Variants in TF observed in about 807,000 individuals in gnomAD.
The protein encoded by TF is serotransferrin.
A neutral mutation model predicts 82.4 loss-of-function variants in TF; 55 were observed. That is an observed-to-expected ratio of 0.67 (90% CI 0.54 to 0.84). TF has a LOEUF of 0.84. Ranked by LOEUF, TF falls within the 40% of genes least tolerant of loss-of-function variation. TF has a pLI of 0.00. For missense variants in TF, 737 were observed against 868.4 expected, an observed-to-expected ratio of 0.85 and a Z score of 1.90; for synonymous variants, 332 against 332.6, an observed-to-expected ratio of 1.00 and a Z score of 0.02.
At chr3:133,710,458 G>A in the TF span, among the ~76,000 whole-genome samples, 3 of 152,062 alleles carry the variant, frequency 2.0e-5, no homozygotes, top group African/African-American at 7.2e-5. Flanking sequence ...CACATTTCCC[G>A]GTGATTCTCC....
chr3:133,759,623 G>A (rs1933934842), intron 9 of TF, among the ~76,000 whole-genome samples: 3 of 152,188 alleles, frequency 2.0e-5, no homozygotes, highest in South Asian at 2.1e-4. Flanking sequence ...GACCAGTGGT[G>A]TGCCACGATC....
rs984536739 is a variant in TF, at chr3:133,789,880, T to A, written c.*11260T>A. ...CCAAAACAAAACGATCTCGTTTGCG[T>A]TTTTTTTTTTTTTTTTTTTTTTTTT... On this transcript the variant is annotated 3_prime_UTR_variant, in exon 17 of 17. Transcript: ENST00000402696. The A allele has an allele frequency of 0.017, 149 of 8,784 alleles. No individual in the cohort carries two copies. Among genetic ancestry groups the A allele is most frequent in the East Asian group, 0.048 (10 of 208 alleles). 0.5% of individuals were successfully genotyped at this position (8,784 alleles called of 1,614,324 possible).
chr3:133,715,310 T>C, the TF span, among the ~76,000 whole-genome samples: 1 of 152,164 alleles, frequency 6.6e-6, no homozygotes, highest in Admixed American at 6.5e-5. Context: ...AAAGATAAAT[T>C]CTACAACACC....
the TF span, among the ~76,000 whole-genome samples, chr3:133,730,059 T>C: frequency 1.3e-5 from 2 of 152,236 alleles, no homozygotes; most frequent in Non-Finnish European, 2.9e-5. Flanking sequence ...CCTACATTGA[T>C]ATCAGCACAT....
the TF span, among the ~76,000 whole-genome samples, chr3:133,707,898 A>G: frequency 6.6e-6 from 1 of 152,242 alleles, no homozygotes; most frequent in Non-Finnish European, 1.5e-5. Flanking sequence ...ATTCAGCATT[A>G]TATTGGAAGT....
rs546956111 is a variant in TF, at chr3:133,788,334, T to C, written c.*9714T>C. On this transcript the variant is annotated 3_prime_UTR_variant, in exon 17 of 17. Coordinates refer to ENST00000402696, the MANE Select transcript of TF (RefSeq NM_001063.4). Reference sequence around the variant, plus strand: ...TCATCCTCTTCATTTACATAAGGCATATACCAAGTAACCAATGGAAACCTT... The same window carrying C: ...TCATCCTCTTCATTTACATAAGGCACATACCAAGTAACCAATGGAAACCTT... The C allele has an allele frequency of 2.0e-5, 3 of 152,346 alleles. No individual in the cohort carries two copies. Among genetic ancestry groups the C allele is most frequent in the African/African-American group, 7.2e-5 (3 of 41,586 alleles). 9.4% of individuals were successfully genotyped at this position (152,346 alleles called of 1,614,324 possible). A position where few individuals can be genotyped will look rare whatever the true frequency, so the allele number is the denominator to read the frequency against.
the TF span, among the ~76,000 whole-genome samples, chr3:133,708,513 G>C: frequency 5.5e-4 from 83 of 152,110 alleles, no homozygotes; most frequent in Middle Eastern, 3.4e-3. Context: ...AGGGGTTCAA[G>C]ATATTCCCTC....
chr3:133,777,345 A>G (rs771195785), intron 16 of TF, 107 bp downstream of exon 16: 80 of 1,051,556 alleles, frequency 7.6e-5, no homozygotes, highest in Non-Finnish European at 9.7e-5. Context: ...GGATAGGACA[A>G]CATGGACAAA....
At chr3:133,765,007 G>A (rs1473976944) in intron 11 of TF, 100 bp downstream of exon 11, 1 of 1,222,438 alleles carries the variant, frequency 8.2e-7, no homozygotes. Flanking sequence ...TGCTGTAAGA[G>A]ACCAATTTTC....
At chr3:133,705,040 T>C in the TF span, among the ~76,000 whole-genome samples, 1 of 152,144 alleles carries the variant, frequency 6.6e-6, no homozygotes, top group Non-Finnish European at 1.5e-5. Flanking sequence ...TTTGGGACAC[T>C]GAGGTGGGTG....
chr3:133,747,979 A>T (rs561185682), intron 1 of TF, among the ~76,000 whole-genome samples: 150 of 151,860 alleles, frequency 9.9e-4, no homozygotes, highest in African/African-American at 3.4e-3. Context: ...CCCTCTTCTC[A>T]AAAAGATGGC....
At chr3:133,755,252 G>A (rs886965562) in intron 4 of TF, 111 bp from the exon 5 acceptor site, 1 of 1,403,862 alleles carries the variant, frequency 7.1e-7, no homozygotes. Context: ...GGCTGCATGT[G>A]CTGGTTTGGT....
At chr3:133,745,052 A>G (rs1004842207), upstream of TF, among the ~76,000 whole-genome samples, 3 of 152,182 alleles carry the variant, frequency 2.0e-5, no homozygotes, top group Admixed American at 2.0e-4. Flanking sequence ...GTGCCCAGTT[A>G]AACGGATGTA....
At chr3:133,745,632 G>A (rs868760854), upstream of TF, among the ~76,000 whole-genome samples, 2 of 152,234 alleles carry the variant, frequency 1.3e-5, no homozygotes, top group African/African-American at 2.4e-5. Context: ...CCACTGGGCC[G>A]CTTGCTTTGT....
At chr3:133,663,280 C>T in the TF span, among the ~76,000 whole-genome samples, 1 of 151,928 alleles carries the variant, frequency 6.6e-6, no homozygotes. Context: ...AATCCCATTG[C>T]CATGGTTGCT....
the TF span, among the ~76,000 whole-genome samples, chr3:133,668,891 C>CT: frequency 6.6e-6 from 1 of 152,218 alleles, no homozygotes; most frequent in Admixed American, 6.5e-5. Flanking sequence ...GACATCCACT[C>CT]TGACTCTCAT....
the TF span, among the ~76,000 whole-genome samples, chr3:133,722,426 A>C: frequency 6.6e-6 from 1 of 152,058 alleles, no homozygotes; most frequent in African/African-American, 2.4e-5. Context: ...TTACTGATAG[A>C]TAAGAACTTA....
chr3:133,761,056 G>A (rs1933979633), intron 9 of TF: 1 of 153,958 alleles, frequency 6.5e-6, no homozygotes, highest in Non-Finnish European at 1.5e-5. Context: ...GGACATCATG[G>A]CTGCAGTAGA....
chr3:133,788,114 G>A lies in TF; in HGVS notation c.*9494G>A, dbSNP rs1265290275. 6.6e-6 allele frequency: 1 copy of A among 152,324 alleles called. No homozygotes were observed. Among genetic ancestry groups the A allele is most frequent in the Non-Finnish European group, 1.5e-5 (1 of 68,150 alleles). 9.4% of individuals were successfully genotyped at this position (152,324 alleles called of 1,614,324 possible). On this transcript the variant is annotated 3_prime_UTR_variant, in exon 17 of 17. Coordinates refer to ENST00000402696, the MANE Select transcript of TF (RefSeq NM_001063.4). ...TGATGCAAGAGAATAGGGTCTGGAG[G>A]CAGGAAACATAAAGCAGATTCATGC...
Sources: gnomAD v4.1 joint callset for allele counts (sites outside exome capture counted in the v4.1 genomes callset) on GRCh38, gnomAD v4.1.1 for gene constraint, MANE v1.5 for transcripts, NCBI Gene and HGNC (gene_info 2026-07-23, HGNC 2026-07-21) for gene names.